The following PDIA6 variants were observed in gnomAD, a reference collection of about 807,000 sequenced individuals.
The protein encoded by PDIA6 is protein disulfide-isomerase A6.
PDIA6 carries 29 observed loss-of-function variants against 58.4 expected under a neutral mutation model. The ratio of observed to expected loss-of-function variants is 0.50; its 90% CI spans 0.37 to 0.68. The LOEUF (loss-of-function observed/expected upper bound fraction) is 0.68. PDIA6 is among the 30% of genes least tolerant of loss of function. PDIA6 has a pLI of 0.00. For synonymous variants in PDIA6, 192 were observed against 202.6 expected, an observed-to-expected ratio of 0.95 and a Z score of 0.44; for missense variants, 480 against 551.0, an observed-to-expected ratio of 0.87 and a Z score of 1.29.
chr2:10,797,300 G>T, intron 3 of PDIA6, 93 bp from the exon 4 acceptor site: 2 of 1,304,816 alleles, frequency 1.5e-6, no homozygotes, highest in Non-Finnish European at 2.1e-6. Context: ...TCAGAAAAAG[G>T]TAATAAAGCA....
At chr2:10,808,862 G>C (rs1196100456) in intron 1 of PDIA6, among the ~76,000 whole-genome samples, 1 of 152,114 alleles carries the variant, frequency 6.6e-6, no homozygotes, top group African/African-American at 2.4e-5. Context: ...GTCTCACTCA[G>C]CTGCCCAGGC....
rs747082729 is a variant in PDIA6 at position 10,789,862 on chromosome 2, A to G, written c.727T>C (p.Phe243Leu). 1.9e-6 allele frequency: 3 copies of G among 1,613,690 alleles called. No homozygotes were observed. In the African/African-American group the frequency reaches 4.0e-5, roughly 22 times the overall value. ...GIRGFPTIKI[F>L]QKGESPVDYD... is the part of the protein sequence containing the mutation. ...TCCACAGGAGACTCGCCTTTCTGAA[A>G]TATCTTGATTGTAGGAAATCCTCTA... Residue 243 changes from phenylalanine (F) to leucine (L), a missense_variant, in exon 8 of 13, where the codon TTT becomes CTT. Coordinates refer to ENST00000272227, the MANE Select transcript of PDIA6 (RefSeq NM_005742.4).
intron 1 of PDIA6, among the ~76,000 whole-genome samples, chr2:10,803,509 T>G (rs2148554492): frequency 6.6e-6 from 1 of 152,170 alleles, no homozygotes; most frequent in Non-Finnish European, 1.5e-5. Context: ...CCATAACACA[T>G]TATCAGAAAC....
intron 3 of PDIA6, 120 bp from the exon 4 acceptor site, chr2:10,797,327 A>G (rs538714212): frequency 4.3e-6 from 4 of 935,576 alleles, no homozygotes; most frequent in South Asian, 3.5e-5. Flanking sequence ...GCAGTTTGCA[A>G]TCAGTCAATA....
chr2:10,797,579 C>A, intron 3 of PDIA6, 121 bp downstream of exon 3: 1 of 701,354 alleles, frequency 1.4e-6, no homozygotes, highest in Non-Finnish European at 2.5e-6. Context: ...AACTAGCTTC[C>A]CATTGAACAT....
exon 2 of PDIA6, chr2:10,819,298 A>T: frequency 6.5e-7 from 1 of 1,536,898 alleles, no homozygotes; most frequent in African/African-American, 1.4e-5. Flanking sequence ...ATGGTGGTTG[A>T]TGGATACATT....
chr2:10,809,165 T>C (rs10084345), intron 1 of PDIA6, among the ~76,000 whole-genome samples: 4,469 of 152,342 alleles, frequency 0.029, 250 homozygotes, highest in African/African-American at 0.1. Context: ...ATATACTCAG[T>C]AAATATATTA....
At chr2:10,800,593 AAGG>A (rs1666465827) in intron 2 of PDIA6, among the ~76,000 whole-genome samples, 4 of 150,810 alleles carry the variant, frequency 2.7e-5, no homozygotes, top group Non-Finnish European at 5.9e-5. Context: ...TTTTTTTTTA[AAGG>A]AGATCTTTTT....
intron 1 of PDIA6, among the ~76,000 whole-genome samples, chr2:10,822,542 G>T (rs888848521): frequency 1.3e-5 from 2 of 152,182 alleles, no homozygotes; most frequent in South Asian, 4.1e-4. Context: ...GATTACAGGC[G>T]TGAGCCACCG....
At chr2:10,835,679 A>G (rs1369740079), upstream of PDIA6, among the ~76,000 whole-genome samples, 1 of 152,040 alleles carries the variant, frequency 6.6e-6, no homozygotes. Context: ...CTCCACCTTC[A>G]CTCAGCTGCC....
intron 5 of PDIA6, among the ~76,000 whole-genome samples, 160 bp from the exon 6 acceptor site, chr2:10,792,085 A>G (rs1231478227): frequency 6.6e-6 from 1 of 152,268 alleles, no homozygotes; most frequent in Non-Finnish European, 1.5e-5. Context: ...TACATTCCTC[A>G]GCACTGTAAT....
At chr2:10,810,545 G>T in intron 1 of PDIA6, 1 of 816,026 alleles carries the variant, frequency 1.2e-6, no homozygotes, top group Non-Finnish European at 1.6e-6. Flanking sequence ...GTAATGGTGA[G>T]GGACCTTTGT....
intron 11 of PDIA6, 62 bp downstream of exon 11, chr2:10,787,219 T>C (rs1686510): frequency 0.38 from 561,659 of 1,466,310 alleles, 110,340 homozygotes; most frequent in African/African-American, 0.5. Context: ...GTTCCAAATA[T>C]AAACCTACAA....
chr2:10,818,515 TTTA>T (rs1397433156), intron 2 of PDIA6, among the ~76,000 whole-genome samples: 2 of 130,016 alleles, frequency 1.5e-5, no homozygotes, highest in Non-Finnish European at 3.3e-5. Flanking sequence ...TATTTATTTA[TTTA>T]TTTATTTATT....
Position 10,787,334 on chromosome 2 carries a change from T to C in PDIA6, c.1104A>G (p.Lys368=), listed in dbSNP as rs1665813921. The C allele has an allele frequency of 3.1e-6, 5 of 1,614,044 alleles. No individual in the cohort carries two copies. The highest frequency in any genetic ancestry group is 1.3e-5 in the African/African-American group (1 of 74,986). Reference sequence around the variant, plus strand: ...TGAAGGAGCCTTTTAGCAGAGCAAATTTCATCTTGCGTGCATTGATGGCGG... The same window carrying C: ...TGAAGGAGCCTTTTAGCAGAGCAAACTTCATCTTGCGTGCATTGATGGCGG... The part of the protein sequence containing the change: ...AMAAINARKM[K]FALLKGSFSE... Residue 368 remains lysine, a synonymous_variant, in exon 11 of 13, where the codon AAA becomes AAG. Coordinates refer to ENST00000272227, the MANE Select transcript of PDIA6 (RefSeq NM_005742.4).
chr2:10,822,088 C>T (rs1572703078), intron 1 of PDIA6, among the ~76,000 whole-genome samples: 1 of 151,688 alleles, frequency 6.6e-6, no homozygotes, highest in African/African-American at 2.4e-5. Flanking sequence ...TGCAAGCATG[C>T]ACCACCATGC....
upstream of PDIA6, chr2:10,812,842 G>A (rs1364583881): frequency 1.7e-6 from 2 of 1,167,870 alleles, no homozygotes; most frequent in Non-Finnish European, 2.1e-6. Flanking sequence ...GCCGGAAGGC[G>A]CTCGCCAAGC....
chr2:10,831,133 G>A (rs576451831), intron 1 of PDIA6, among the ~76,000 whole-genome samples: 1 of 152,294 alleles, frequency 6.6e-6, no homozygotes, highest in African/African-American at 2.4e-5. Flanking sequence ...GGTTTGGGTT[G>A]GCCTCACCCT....
chr2:10,792,381 T>C (rs1666075021), intron 5 of PDIA6, among the ~76,000 whole-genome samples: 1 of 152,208 alleles, frequency 6.6e-6, no homozygotes, highest in African/African-American at 2.4e-5. Flanking sequence ...CAGTACTAAA[T>C]CTAAGAAGCA....
Sources: allele counts gnomAD v4.1 joint callset (sites outside exome capture counted in the v4.1 genomes callset), GRCh38; gene constraint gnomAD v4.1.1; transcripts MANE v1.5; gene names NCBI Gene and HGNC (gene_info 2026-07-23, HGNC 2026-07-21).